Variants in SYNE2 observed in about 807,000 individuals in gnomAD.
SYNE2 encodes nesprin-2.
SYNE2 carries 431 observed loss-of-function variants against 856.3 expected under a neutral mutation model. The observed-to-expected ratio is 0.50, with a 90% CI of 0.47 to 0.55. The LOEUF is 0.55. Ranked by LOEUF, SYNE2 falls within the 20% of genes least tolerant of loss-of-function variation. SYNE2 has a pLI of 0.00. For synonymous variants in SYNE2, 2,923 were observed against 2,872.3 expected, an observed-to-expected ratio of 1.02 and a Z score of -0.56; for missense variants, 8,129 against 8,023.2, an observed-to-expected ratio of 1.01 and a Z score of -0.50.
rs2098333438 is a variant in SYNE2, at chr14:64,161,978, C to G, written c.16095-94C>G. On this transcript the variant is annotated intron_variant, in intron 87 of 115. Coordinates refer to ENST00000555002, the MANE Select transcript of SYNE2 (RefSeq NM_182914.3). Reference sequence around the variant, plus strand: ...TAACAGTGTCTTCTTAATGATCCATCTGCTAGTAACTTACCAGTAGAGTGT... The same window carrying G: ...TAACAGTGTCTTCTTAATGATCCATGTGCTAGTAACTTACCAGTAGAGTGT... 5 of 1,359,582 alleles carry G rather than the reference C, an allele frequency of 3.7e-6. 1 individual carries two copies. The South Asian group carries it at 4.9e-5, about 13-fold the overall frequency. The allele number at this position is 1,359,582 out of a possible 1,614,324, so 84.2% of individuals were successfully genotyped here.
intron 1 of SYNE2, among the ~76,000 whole-genome samples, chr14:63,805,881 C>T (rs1283397080): frequency 6.6e-6 from 1 of 152,140 alleles, no homozygotes; most frequent in Admixed American, 6.5e-5. Context: ...AACTTTTGGG[C>T]AGAGGCCATG....
Position 64,214,400 on chromosome 14 carries a change from C to G in SYNE2, c.19263C>G (p.His6421Gln). The G allele has an allele frequency of 6.2e-7, 1 of 1,614,132 alleles. No homozygotes were observed. The highest frequency in any genetic ancestry group is 8.5e-7 in the Non-Finnish European group (1 of 1,180,008). Residue 6421 changes from histidine to glutamine, a missense_variant, in exon 106 of 116, where the codon CAC becomes CAG. His to Gln is a conservative substitution (Grantham distance 24, BLOSUM62 0). This residue lies in a region of SYNE2 where 5,410 missense variants were observed against 5,284.8 expected (regional missense o/e 1.02). Transcript: ENST00000555002. ...SVDSIPLEWD[H>Q]TGDVGGSSSH... is the part of the protein sequence containing the mutation. The stretch of plus-strand genomic sequence containing the variant: ...ACTCCATCCCCCTGGAGTGGGACCA[C>G]ACAGGCGACGTGGGGGGCTCCTCCT...
chr14:63,948,156 G>GACACACACAGAC (rs151256085), intron 6 of SYNE2, among the ~76,000 whole-genome samples: 1 of 124,338 alleles, frequency 8.0e-6, no homozygotes, highest in African/African-American at 2.9e-5. Flanking sequence ...TACACACACA[G>GACACACACAGAC]ACACACACAT....
intron 7 of SYNE2, among the ~76,000 whole-genome samples, chr14:63,953,774 A>G (rs796255032): frequency 1.7e-4 from 26 of 152,328 alleles, no homozygotes; most frequent in African/African-American, 5.8e-4. Flanking sequence ...GCCTCTGGCA[A>G]TGACCATTCT....
chr14:63,962,047 A>G (rs1371867302), intron 9 of SYNE2, among the ~76,000 whole-genome samples: 2 of 151,136 alleles, frequency 1.3e-5, no homozygotes, highest in East Asian at 1.9e-4. Context: ...TTTTATTTTT[A>G]TTTTTGTTTA....
At chr14:63,997,462 C>T in intron 25 of SYNE2, 71 bp downstream of exon 25, 1 of 1,198,408 alleles carries the variant, frequency 8.3e-7, no homozygotes. Context: ...TAATTCACTT[C>T]TCATTAATTA....
intron 2 of SYNE2, among the ~76,000 whole-genome samples, chr14:63,929,449 G>C (rs2095715051): frequency 6.6e-6 from 1 of 152,172 alleles, no homozygotes; most frequent in Admixed American, 6.5e-5. Context: ...TAATTGGATG[G>C]AGGGTATTTT....
At chr14:63,912,699 C>T (rs2095487095) in intron 2 of SYNE2, among the ~76,000 whole-genome samples, 2 of 152,146 alleles carry the variant, frequency 1.3e-5, no homozygotes, top group African/African-American at 4.8e-5. Context: ...CTCAGAATAA[C>T]ACACGCAAGA....
rs2096728071 is a variant in SYNE2 at position 63,998,264 on chromosome 14, C to A, written c.3289C>A (p.Pro1097Thr). Reference protein sequence around the residue: ...MKFSLASVLRPLQEESIMEKD... With the variant: ...MKFSLASVLRTLQEESIMEKD... ...GTTTAGCCTGGCATCAGTGTTAAGGCCTCTGCAAGAAGAAAGCATTATGGA... is the reference window on the plus strand; with the variant it reads ...GTTTAGCCTGGCATCAGTGTTAAGGACTCTGCAAGAAGAAAGCATTATGGA... Residue 1097 changes from proline to threonine, a missense_variant, in exon 26 of 116, where the codon CCT (proline) becomes ACT (threonine). Transcript: ENST00000555002. 2.5e-6 allele frequency: 4 copies of A among 1,614,000 alleles called. No homozygotes were observed. The South Asian group carries it at 3.3e-5, about 13-fold the overall frequency.
chr14:64,185,557 G>C (rs1208668324), intron 96 of SYNE2, among the ~76,000 whole-genome samples: 1 of 112,760 alleles, frequency 8.9e-6, no homozygotes, highest in Non-Finnish European at 1.6e-5. Flanking sequence ...GTCTCACTCT[G>C]TCAGCCAGGC....
chr14:64,000,586 C>A lies in SYNE2; in HGVS notation c.3505C>A (p.Arg1169Ser), dbSNP rs574167855. The A allele has an allele frequency of 6.2e-7, 1 of 1,613,206 alleles. No homozygotes were observed. The highest frequency in any genetic ancestry group is 1.1e-5 in the South Asian group (1 of 90,956). The change falls in exon 28 of 116, where the codon CGC (arginine) becomes AGC (serine). Residue 1169 changes from arginine to serine, a missense_variant. Transcript: ENST00000555002. ...GGTCATAAAAAATGAAACTGATGCTCGCTGGAAAGAGTTTGAAATTATTTC... is the reference window on the plus strand; with the variant it reads ...GGTCATAAAAAATGAAACTGATGCTAGCTGGAAAGAGTTTGAAATTATTTC... ...LQVIKNETDA[R>S]WKEFEIISLK...
intron 114 of SYNE2, 126 bp downstream of exon 114, chr14:64,224,673 T>C (rs2098710290): frequency 5.8e-6 from 6 of 1,040,764 alleles, no homozygotes; most frequent in Middle Eastern, 2.7e-4. Flanking sequence ...TGCTGACCCA[T>C]AGAGAGGCTT....
At chr14:63,771,735 T>C (rs1886919237) in intron 1 of SYNE2, among the ~76,000 whole-genome samples, 1 of 151,450 alleles carries the variant, frequency 6.6e-6, no homozygotes, top group Non-Finnish European at 1.5e-5. Flanking sequence ...CTGTCTCTAC[T>C]AAAAAAATAA....
chr14:64,185,513 CTTTTTCTT>C, intron 96 of SYNE2, among the ~76,000 whole-genome samples: 1 of 115,968 alleles, frequency 8.6e-6, no homozygotes, highest in African/African-American at 3.3e-5. Context: ...TTTTCTTTTT[CTTTTTCTT>C]TTTTTTTTTT....
At chr14:64,167,685 G>A in intron 92 of SYNE2, 46 bp downstream of exon 92, 1 of 1,613,306 alleles carries the variant, frequency 6.2e-7, no homozygotes, top group African/African-American at 1.3e-5. Flanking sequence ...ATCTGGGGCA[G>A]GAGTCAGGGA....
At chr14:63,779,988 C>T (rs1391503100) in intron 1 of SYNE2, among the ~76,000 whole-genome samples, 4 of 152,160 alleles carry the variant, frequency 2.6e-5, no homozygotes, top group Non-Finnish European at 5.9e-5. Context: ...TCACACATAT[C>T]ATGATCATTA....
intron 1 of SYNE2, among the ~76,000 whole-genome samples, chr14:63,773,769 C>A (rs1887008654): frequency 1.3e-5 from 2 of 152,106 alleles, no homozygotes; most frequent in Admixed American, 1.3e-4. Context: ...GCAAGACTGT[C>A]ATGTCTAAAG....
chr14:64,152,771 T>G, intron 85 of SYNE2, 55 bp downstream of exon 85: 3 of 1,608,896 alleles, frequency 1.9e-6, no homozygotes, highest in Non-Finnish European at 2.6e-6. Context: ...TTTTACCTTA[T>G]TTGTCGTTGT....
intron 67 of SYNE2, among the ~76,000 whole-genome samples, chr14:64,120,270 T>A (rs1411626026): frequency 6.6e-6 from 1 of 151,520 alleles, no homozygotes; most frequent in African/African-American, 2.4e-5. Flanking sequence ...TTAAAAAAAA[T>A]GTATTTTAGC....
Sources: gnomAD v4.1 joint callset for allele counts (sites outside exome capture counted in the v4.1 genomes callset) on GRCh38, gnomAD v4.1.1 for gene constraint, gnomAD v4.1.1 regional missense constraint, MANE v1.5 for transcripts, NCBI Gene and HGNC (gene_info 2026-07-23, HGNC 2026-07-21) for gene names.